The following TRABD2B variants were observed in gnomAD, a reference collection of about 807,000 sequenced individuals.
TRABD2B encodes metalloprotease TIKI2.
Under a neutral mutation model 40.1 loss-of-function variants are expected in TRABD2B, and 14 were observed. The observed-to-expected ratio is 0.35, with a 90% CI of 0.23 to 0.55. The LOEUF is 0.55. Ranked by LOEUF, TRABD2B falls within the 20% of genes least tolerant of loss-of-function variation. The probability of loss-of-function intolerance (pLI) is 0.90; values close to 1 mark genes in which losing one functional copy is unlikely to be tolerated. For missense variants in TRABD2B, 541 were observed against 648.6 expected, an observed-to-expected ratio of 0.83 and a Z score of 1.80; for synonymous variants, 263 against 277.0, an observed-to-expected ratio of 0.95 and a Z score of 0.50.
chr1:47,867,995 A>G (rs555078379), intron 2 of TRABD2B, among the ~76,000 whole-genome samples: 2 of 152,268 alleles, frequency 1.3e-5, no homozygotes, highest in African/African-American at 2.4e-5. Flanking sequence ...GAGGAGATCC[A>G]TTTGTTTGAA....
At chr1:47,894,244 C>CTG (rs1487394365) in intron 2 of TRABD2B, among the ~76,000 whole-genome samples, 1 of 152,160 alleles carries the variant, frequency 6.6e-6, no homozygotes, top group Non-Finnish European at 1.5e-5. Context: ...ACACTTAGTA[C>CTG]TGTGACCTTG....
chr1:47,770,186 G>A (rs1200565216), intron 6 of TRABD2B, among the ~76,000 whole-genome samples: 2 of 152,104 alleles, frequency 1.3e-5, no homozygotes, highest in Non-Finnish European at 2.9e-5. Flanking sequence ...CCGGATTTGG[G>A]GCACACAGGG....
At chr1:47,878,286 A>G (rs1644252366) in intron 2 of TRABD2B, among the ~76,000 whole-genome samples, 1 of 152,232 alleles carries the variant, frequency 6.6e-6, no homozygotes, top group Non-Finnish European at 1.5e-5. Context: ...ACTGCACTCC[A>G]GTCTGGACGA....
intron 2 of TRABD2B, among the ~76,000 whole-genome samples, chr1:47,826,147 G>A (rs1039735173): frequency 2.0e-5 from 3 of 152,190 alleles, no homozygotes; most frequent in Non-Finnish European, 4.4e-5. Flanking sequence ...GGACTGTGGT[G>A]AGCTCCATCC....
At chr1:47,897,442 G>A (rs1644538700) in intron 2 of TRABD2B, among the ~76,000 whole-genome samples, 1 of 152,178 alleles carries the variant, frequency 6.6e-6, no homozygotes, top group African/African-American at 2.4e-5. Flanking sequence ...GAGCCAAGAA[G>A]CAGACAGGCT....
At chr1:47,961,536 T>A (rs1645515687) in intron 2 of TRABD2B, among the ~76,000 whole-genome samples, 1 of 152,034 alleles carries the variant, frequency 6.6e-6, no homozygotes, top group Non-Finnish European at 1.5e-5. Flanking sequence ...AACAACCCCT[T>A]CAAAAAGTGG....
chr1:47,909,415 A>G (rs951699123), intron 2 of TRABD2B, among the ~76,000 whole-genome samples: 77 of 151,188 alleles, frequency 5.1e-4, no homozygotes, highest in African/African-American at 1.9e-3. Flanking sequence ...AAAGAGAGAC[A>G]GAGAGAAGGG....
chr1:47,866,323 G>A (rs1644056892), intron 2 of TRABD2B, among the ~76,000 whole-genome samples: 1 of 152,116 alleles, frequency 6.6e-6, no homozygotes, highest in Admixed American at 6.5e-5. Context: ...AGACAGTCAA[G>A]AGCAAAAAGC....
At position 47,765,998 on chromosome 1, in the gene TRABD2B, C is replaced by T. The variant is rs1644297308; in HGVS notation, c.1458G>A (p.Gly486=). 1.4e-6 allele frequency: 1 copy of T among 697,860 alleles called. No homozygotes were observed. The highest frequency in any genetic ancestry group is 2.7e-5 in the East Asian group (1 of 37,242). The allele number at this position is 697,860 out of a possible 1,614,324, so 43.2% of individuals were successfully genotyped here. A position where few individuals can be genotyped will look rare whatever the true frequency, so the allele number is the denominator to read the frequency against. ...GGGTGGGTGCCGAGCTGCTGGCGGG[C>T]CCTGGCGGGTCCTGCTGTTGTAGCT... ...SDQLQQQDPP[G]PASSSAPTLG... is the part of the protein sequence containing the mutation. Residue 486 remains glycine, a synonymous_variant, in exon 7 of 7, where the codon GGG becomes GGA. Transcript: ENST00000606738.
chr1:47,960,824 C>T (rs1645502155), intron 2 of TRABD2B, among the ~76,000 whole-genome samples: 1 of 152,228 alleles, frequency 6.6e-6, no homozygotes, highest in South Asian at 2.1e-4. Context: ...CCCCATCAAG[C>T]TACCAATGAC....
At chr1:47,925,138 A>G (rs772123577) in intron 2 of TRABD2B, among the ~76,000 whole-genome samples, 20 of 152,204 alleles carry the variant, frequency 1.3e-4, no homozygotes, top group Non-Finnish European at 2.4e-4. Flanking sequence ...AGAAACTCTC[A>G]TGATTCCAGT....
intron 2 of TRABD2B, among the ~76,000 whole-genome samples, chr1:47,910,076 C>G (rs1232201921): frequency 6.6e-6 from 1 of 151,564 alleles, no homozygotes; most frequent in African/African-American, 2.4e-5. Context: ...CCCAGGCTGG[C>G]CTTGACCTCC....
chr1:47,844,748 T>C (rs374054328), intron 2 of TRABD2B, among the ~76,000 whole-genome samples: 1 of 152,216 alleles, frequency 6.6e-6, no homozygotes, highest in Non-Finnish European at 1.5e-5. Context: ...ACAGGATTCA[T>C]GGTAAGAGAA....
intron 2 of TRABD2B, among the ~76,000 whole-genome samples, chr1:47,904,790 C>T (rs1001584775): frequency 6.6e-6 from 1 of 152,234 alleles, no homozygotes; most frequent in Non-Finnish European, 1.5e-5. Flanking sequence ...TAACACTGTT[C>T]TTCTAATTGA....
At position 47,765,372 on chromosome 1, in the gene TRABD2B, G is replaced by C. The variant is rs931348871; in HGVS notation, c.*530C>G. ...TTCCTAAATTATCTTCCCAGGCCGC[G>C]GGTGCATCCAGCAGAGGGGAGGATG... On this transcript the variant is annotated 3_prime_UTR_variant, in exon 7 of 7. Transcript: ENST00000606738. 6.5e-6 allele frequency: 1 copy of C among 153,634 alleles called. No homozygotes were observed. Among genetic ancestry groups the C allele is most frequent in the Non-Finnish European group, 1.4e-5 (1 of 69,054 alleles). 9.5% of individuals were successfully genotyped at this position (153,634 alleles called of 1,614,324 possible).
chr1:47,810,564 G>A (rs1262637109), intron 2 of TRABD2B, among the ~76,000 whole-genome samples: 1 of 152,198 alleles, frequency 6.6e-6, no homozygotes, highest in Non-Finnish European at 1.5e-5. Context: ...GGGGAGTGAG[G>A]CGACGGACCT....
intron 2 of TRABD2B, among the ~76,000 whole-genome samples, chr1:47,951,978 G>A (rs1645351499): frequency 6.6e-6 from 1 of 152,212 alleles, no homozygotes; most frequent in African/African-American, 2.4e-5. Flanking sequence ...TGATCCCATA[G>A]GAGCTGGGAG....
chr1:47,811,958 CATTT>C (rs1644971022), intron 2 of TRABD2B, among the ~76,000 whole-genome samples: 1 of 152,206 alleles, frequency 6.6e-6, no homozygotes, highest in Non-Finnish European at 1.5e-5. Flanking sequence ...TGTGGAGGCT[CATTT>C]ATTTTTCTTC....
At chr1:47,920,611 G>A (rs1298985278) in intron 2 of TRABD2B, among the ~76,000 whole-genome samples, 2 of 152,226 alleles carry the variant, frequency 1.3e-5, no homozygotes, top group African/African-American at 2.4e-5. Flanking sequence ...TGAGCTGGAA[G>A]CAGCCAAGAT....
Sources: allele counts gnomAD v4.1 joint callset (sites outside exome capture counted in the v4.1 genomes callset), GRCh38; gene constraint gnomAD v4.1.1; transcripts MANE v1.5; gene names NCBI Gene and HGNC (gene_info 2026-07-23, HGNC 2026-07-21).